Variants in INTS3 observed in about 807,000 individuals in gnomAD.
INTS3 encodes integrator complex subunit 3, also known as SOSS complex subunit A.
In INTS3, 34 loss-of-function variants were observed where a neutral mutation model predicts 146.3. The observed-to-expected ratio is 0.23, with a 90% confidence interval of 0.18 to 0.31. INTS3 has a LOEUF of 0.31. Ranked by LOEUF, INTS3 falls within the 10% of genes least tolerant of loss-of-function variation. The probability of loss-of-function intolerance (pLI) is 1.00; values close to 1 mark genes in which losing one functional copy is unlikely to be tolerated. For synonymous variants in INTS3, 475 were observed against 494.9 expected, an observed-to-expected ratio of 0.96 and a Z score of 0.53; for missense variants, 757 against 1,304.2, an observed-to-expected ratio of 0.58 and a Z score of 6.46.
chr1:153,748,200 A>C (rs919729849), intron 5 of INTS3: 1 of 162,162 alleles, frequency 6.2e-6, no homozygotes, highest in Non-Finnish European at 1.4e-5. Flanking sequence ...GCTGTGTGTT[A>C]ATTCTGCCCC....
intron 6 of INTS3, among the ~76,000 whole-genome samples, chr1:153,749,151 C>T (rs1671864797): frequency 6.6e-6 from 1 of 152,106 alleles, no homozygotes; most frequent in Non-Finnish European, 1.5e-5. Context: ...AACCCCTGCT[C>T]TTTTTGAAGT....
At chr1:153,754,180 G>A (rs1672076007) in intron 8 of INTS3, among the ~76,000 whole-genome samples, 1 of 152,060 alleles carries the variant, frequency 6.6e-6, no homozygotes, top group African/African-American at 2.4e-5. Context: ...CACATCTCAC[G>A]CATGAGTGTG....
chr1:153,759,952 G>A, intron 11 of INTS3: 1 of 491,720 alleles, frequency 2.0e-6, no homozygotes, highest in Admixed American at 3.6e-5. Flanking sequence ...GGAAATGAGG[G>A]CTACAAGCTG....
rs1672938050 is a variant in INTS3 at position 153,772,524 on chromosome 1, A to G, written c.2821+84A>G. On this transcript the variant is annotated intron_variant, in intron 27 of 29. Coordinates refer to ENST00000318967, the MANE Select transcript of INTS3 (RefSeq NM_023015.5). This position sits in a 1 kb window ranked among gnomAD's most constrained non-coding sequence, Gnocchi z 4.6. ...CTGGAGCCAGGCTGGGGGCAGGGGC[A>G]GGACACCCGGGGCCACAACCCACAC... The G allele has an allele frequency of 6.2e-7, 1 of 1,612,168 alleles. No individual in the cohort carries two copies. The highest frequency in any genetic ancestry group is 1.3e-5 in the African/African-American group (1 of 74,880).
Position 153,764,127 on chromosome 1 carries a change from G to T in INTS3, c.1831G>T (p.Asp611Tyr). 1 of 1,613,848 alleles carries T rather than the reference G, an allele frequency of 6.2e-7. No individual in the cohort carries two copies. The highest frequency in any genetic ancestry group is 8.5e-7 in the Non-Finnish European group (1 of 1,179,790). The change falls in exon 18 of 30, where the codon GAC becomes TAC. Residue 611 changes from aspartate (D) to tyrosine (Y), a missense_variant. Asp to Tyr is a radical substitution (Grantham distance 160). Coordinates refer to ENST00000318967, the MANE Select transcript of INTS3 (RefSeq NM_023015.5). ...IVDQVLEEDF[D>Y]SEQLSVLASC... ...TTGTCTCATCACCCAGGAAGACTTT[G>T]ACTCGGAGCAGCTGTCTGTCCTTGC...
At chr1:153,750,347 CT>C (rs1483897329) in intron 6 of INTS3, among the ~76,000 whole-genome samples, 1 of 152,230 alleles carries the variant, frequency 6.6e-6, no homozygotes, top group Non-Finnish European at 1.5e-5. Context: ...CTCTCTACTC[CT>C]TTTAAAGCAA....
At chr1:153,741,120 C>T (rs533973072) in intron 2 of INTS3, among the ~76,000 whole-genome samples, 165 bp from the exon 3 acceptor site, 26 of 152,188 alleles carry the variant, frequency 1.7e-4, no homozygotes, top group African/African-American at 6.0e-4. Flanking sequence ...TATCTCTCTT[C>T]TTTTTTTAAA....
At chr1:153,736,402 T>A (rs890885501) in intron 1 of INTS3, among the ~76,000 whole-genome samples, 1 of 152,076 alleles carries the variant, frequency 6.6e-6, no homozygotes, top group East Asian at 1.9e-4. Context: ...AGGATAGACA[T>A]AGGCAACCTG....
chr1:153,761,954 G>T (rs1672399387), intron 14 of INTS3, among the ~76,000 whole-genome samples: 1 of 152,206 alleles, frequency 6.6e-6, no homozygotes, highest in African/African-American at 2.4e-5. Context: ...AGGCTTTCAT[G>T]TAATATTTAC....
chr1:153,733,606 TG>T (rs1011620416), intron 1 of INTS3, among the ~76,000 whole-genome samples: 4 of 151,972 alleles, frequency 2.6e-5, no homozygotes, highest in Non-Finnish European at 5.9e-5. Flanking sequence ...CAGTATTTAC[TG>T]TATGCTTTTT....
Position 153,765,002 on chromosome 1 carries a change from T to G in INTS3, c.2029T>G (p.Ser677Ala). The change falls in exon 20 of 30, where the codon TCC (serine) becomes GCC (alanine). Residue 677 changes from serine to alanine, a missense_variant. By Grantham distance (99) the Ser-to-Ala change is moderately conservative (BLOSUM62 1). Around this residue, in one of 8 missense-constraint regions of INTS3, gnomAD observed 89 missense variants for 210.9 expected, o/e 0.42. Coordinates refer to ENST00000318967, the MANE Select transcript of INTS3 (RefSeq NM_023015.5). ...SSFSLLLDLL[S>A]ELYQKQPKIG... ...CTTCTCTCTACTTCTAGACCTTCTC[T>G]CCGAGCTATATCAGAAGCAGCCCAA... The G allele has an allele frequency of 6.2e-7, 1 of 1,614,016 alleles. No homozygotes were observed. The highest frequency in any genetic ancestry group is 8.5e-7 in the Non-Finnish European group (1 of 1,179,934).
At chr1:153,741,430 C>A in intron 3 of INTS3, 62 bp downstream of exon 3, 1 of 1,238,814 alleles carries the variant, frequency 8.1e-7, no homozygotes, top group Non-Finnish European at 1.2e-6. Flanking sequence ...TATGGTGGAA[C>A]TTACAGTTTA....
At chr1:153,740,392 G>A (rs1194417331) in intron 1 of INTS3, among the ~76,000 whole-genome samples, 1 of 152,126 alleles carries the variant, frequency 6.6e-6, no homozygotes, top group South Asian at 2.1e-4. Context: ...GAGCCACCAC[G>A]CCTGGCCCTA....
In INTS3 at chr1:153,747,012, A is replaced by C; in HGVS notation, c.374A>C (p.Lys125Thr). The C allele has an allele frequency of 6.2e-7, 1 of 1,614,044 alleles. No homozygotes were observed. Among genetic ancestry groups the C allele is most frequent in the Non-Finnish European group, 8.5e-7 (1 of 1,179,952 alleles). The change falls in exon 4 of 30, where the codon AAA (lysine) becomes ACA (threonine). Residue 125 changes from lysine to threonine, a missense_variant. By Grantham distance (78) the Lys-to-Thr change is moderately conservative. Transcript: ENST00000318967. ...SRDGMNIVLN[K>T]INQILMEKYL... ...GATGGCATGAATATTGTCCTGAATA[A>C]AATCAACCAGATACTTATGGAGAAG...
rs1487664945 is a variant in INTS3 at position 153,757,118 on chromosome 1, G to A, written c.958-454G>A. ...TGGAGAGTCTAGGCTTTGGATAATG[G>A]TCCTGCTAGGTCAGCACCAGGAAAT... On this transcript the variant is annotated intron_variant, in intron 9 of 29. Transcript: ENST00000318967. This position sits in a 1 kb window ranked among gnomAD's most constrained non-coding sequence, Gnocchi z 4.0. Among the ~76,000 whole-genome samples, 1 of 152,192 alleles carries A rather than the reference G, an allele frequency of 6.6e-6. No individual in the cohort carries two copies. The highest frequency in any genetic ancestry group is 2.4e-5 in the African/African-American group (1 of 41,446).
chr1:153,760,674 A>C, intron 12 of INTS3, 153 bp from the exon 13 acceptor site: 1 of 674,358 alleles, frequency 1.5e-6, no homozygotes, highest in East Asian at 2.6e-5. Context: ...TTCTCATTTG[A>C]GTGGCCTGGA....
chr1:153,746,200 A>T (rs1354373777), intron 3 of INTS3, among the ~76,000 whole-genome samples: 1 of 152,210 alleles, frequency 6.6e-6, no homozygotes, highest in African/African-American at 2.4e-5. Context: ...CTGGTCTAAA[A>T]ACCTCTTTGG....
At chr1:153,744,390 T>C (rs1671650882) in intron 3 of INTS3, among the ~76,000 whole-genome samples, 1 of 152,226 alleles carries the variant, frequency 6.6e-6, no homozygotes, top group African/African-American at 2.4e-5. Flanking sequence ...CTGCCTCTAC[T>C]TCCTTTGTCC....
At chr1:153,733,644 G>A (rs535573621) in intron 1 of INTS3, among the ~76,000 whole-genome samples, 67 of 151,658 alleles carry the variant, frequency 4.4e-4, no homozygotes, top group Admixed American at 1.1e-3. Context: ...TTCTCGCTCC[G>A]TCACCCAGGC....
Sources: gnomAD v4.1 joint callset for allele counts (sites outside exome capture counted in the v4.1 genomes callset) on GRCh38, gnomAD v4.1.1 for gene constraint, gnomAD v4.1.1 regional missense constraint, Gnocchi (gnomAD v3.1) non-coding constraint, MANE v1.5 for transcripts, NCBI Gene and HGNC (gene_info 2026-07-23, HGNC 2026-07-21) for gene names.